The following ZNF446 variants were observed in gnomAD, a reference collection of about 807,000 sequenced individuals.
The protein encoded by ZNF446 is zinc finger protein with KRAB and SCAN domains 20.
Under a neutral mutation model 34.0 loss-of-function variants are expected in ZNF446, and 42 were observed. That is an observed-to-expected ratio of 1.23 (90% CI 0.96 to 1.60). ZNF446 has a LOEUF of 1.60. ZNF446 is among the 40% of genes most tolerant of loss of function. The pLI is 0.00. For synonymous variants in ZNF446, 315 were observed against 251.0 expected, an observed-to-expected ratio of 1.25 and a Z score of -2.41; for missense variants, 650 against 600.2, an observed-to-expected ratio of 1.08 and a Z score of -0.87.
In ZNF446 at chr19:58,479,708, CG is replaced by C. The variant is rs1313132018; in HGVS notation, c.695del (p.Gly232AlafsTer134). ...LYWDAMLEKY[G>X]TVVSLGLPPH... ...ACTGGGATGCGATGCTGGAGAAGTACGGCACAGTGGTCTCCCTGGGTGAGGA... is the reference window on the plus strand; with the variant it reads ...ACTGGGATGCGATGCTGGAGAAGTACGCACAGTGGTCTCCCTGGGTGAGGA... On this transcript the variant is annotated frameshift_variant, in exon 5 of 7. Coordinates refer to ENST00000594369, the MANE Select transcript of ZNF446 (RefSeq NM_017908.4). LOFTEE classifies it high-confidence loss of function. 3 of 1,613,166 alleles carry C rather than the reference CG, an allele frequency of 1.9e-6. No homozygotes were observed. The highest frequency in any genetic ancestry group is 2.7e-5 in the African/African-American group (2 of 74,862).
chr19:58,486,533 G>C, the ZNF446 span, among the ~76,000 whole-genome samples: 1 of 151,750 alleles, frequency 6.6e-6, no homozygotes, highest in African/African-American at 2.4e-5. Flanking sequence ...TCAGCCTCCC[G>C]AGTAGCTGGG....
At chr19:58,478,470 C>G (rs1273908722) in intron 4 of ZNF446, among the ~76,000 whole-genome samples, 1 of 152,036 alleles carries the variant, frequency 6.6e-6, no homozygotes, top group East Asian at 1.9e-4. Flanking sequence ...TCGAGACCAG[C>G]CTGACCAATG....
chr19:58,477,845 C>G lies in ZNF446; in HGVS notation c.532+19C>G. 1.3e-6 allele frequency: 2 copies of G among 1,519,356 alleles called. No individual in the cohort carries two copies. Among genetic ancestry groups the G allele is most frequent in the Middle Eastern group, 1.8e-4 (1 of 5,648 alleles). The allele number at this position is 1,519,356 out of a possible 1,614,324, so 94.1% of individuals were successfully genotyped here. On this transcript the variant is annotated intron_variant, in intron 3 of 6. Transcript: ENST00000594369. ...GAAGTGGGTGAGGTTGGGGTCCCAC[C>G]AGAGATGAGGGACTCCTGGAGGAAG... is the stretch of plus-strand genomic sequence containing the variant.
In ZNF446 at chr19:58,480,512, C is replaced by T; in HGVS notation, c.1139C>T (p.Ala380Val). ...GAGAAGCCACCACAAGGGGAGGTGG[C>T]CTTTCCGCACCACCCCCGACGCTCA... ...STEKPPQGEV[A>V]FPHHPRRSLT... Residue 380 changes from alanine (A) to valine (V), a missense_variant, in exon 7 of 7, where the codon GCC (alanine) becomes GTC (valine). By Grantham distance (64) the Ala-to-Val change is moderately conservative. Coordinates refer to ENST00000594369, the MANE Select transcript of ZNF446 (RefSeq NM_017908.4). The surrounding 1 kb of genome is among the most constrained non-coding windows in gnomAD (Gnocchi z 7.2). 6.2e-7 allele frequency: 1 copy of T among 1,612,670 alleles called. No individual in the cohort carries two copies. Among genetic ancestry groups the T allele is most frequent in the Non-Finnish European group, 8.5e-7 (1 of 1,179,700 alleles).
At chr19:58,482,355 G>A (rs1253879753), downstream of ZNF446, among the ~76,000 whole-genome samples, 1 of 152,120 alleles carries the variant, frequency 6.6e-6, no homozygotes, top group Non-Finnish European at 1.5e-5. Flanking sequence ...ACACCGCAGA[G>A]TCCCTTTTGC....
chr19:58,485,368 G>C (rs1228339416), downstream of ZNF446, among the ~76,000 whole-genome samples: 1 of 151,780 alleles, frequency 6.6e-6, no homozygotes, highest in African/African-American at 2.4e-5. Flanking sequence ...AAATTAGCCG[G>C]GTATAGTGGC....
chr19:58,481,567 A>AC (rs1328606294), downstream of ZNF446, among the ~76,000 whole-genome samples: 3 of 152,008 alleles, frequency 2.0e-5, no homozygotes, highest in African/African-American at 7.2e-5. Flanking sequence ...GTCAGGCCGC[A>AC]CCCTCCATAG....
chr19:58,487,018 T>TCTCGATTTC, the ZNF446 span, among the ~76,000 whole-genome samples: 1 of 151,784 alleles, frequency 6.6e-6, no homozygotes, highest in Admixed American at 6.6e-5. Context: ...GCCAGGATGG[T>TCTCGATTTC]CTGACCTTGT....
chr19:58,486,354 G>T, the ZNF446 span, among the ~76,000 whole-genome samples: 1 of 151,384 alleles, frequency 6.6e-6, no homozygotes, highest in South Asian at 2.1e-4. Context: ...CAAAGTGCTG[G>T]GATTGCAGGC....
rs749190454 is a variant in ZNF446, at chr19:58,480,610, C to T, written c.1237C>T (p.His413Tyr). Residue 413 changes from histidine to tyrosine, a missense_variant, in exon 7 of 7, where the codon CAC (histidine) becomes TAC (tyrosine). His to Tyr is a moderately conservative substitution (Grantham distance 83). Coordinates refer to ENST00000594369, the MANE Select transcript of ZNF446 (RefSeq NM_017908.4). This position sits in a 1 kb window ranked among gnomAD's most constrained non-coding sequence, Gnocchi z 7.2. ...SFSWKSQLVI[H>Y]RKSHTGQRRH... ...CAGCTGGAAGTCGCAGCTGGTCATC[C>T]ACCGCAAGAGCCACACAGGCCAGCG... is the stretch of plus-strand genomic sequence containing the variant. The T allele has an allele frequency of 6.2e-7, 1 of 1,612,702 alleles. No homozygotes were observed. Among genetic ancestry groups the T allele is most frequent in the African/African-American group, 1.3e-5 (1 of 74,908 alleles).
downstream of ZNF446, among the ~76,000 whole-genome samples, chr19:58,485,850 G>A (rs535737239): frequency 3.9e-5 from 6 of 152,118 alleles, no homozygotes; most frequent in South Asian, 2.1e-4. Flanking sequence ...AAATTGCTGG[G>A]ATTACAGGCT....
At chr19:58,486,845 C>T in the ZNF446 span, among the ~76,000 whole-genome samples, 10 of 151,858 alleles carry the variant, frequency 6.6e-5, no homozygotes, top group Admixed American at 2.0e-4. Context: ...CTCTGTCGCC[C>T]GGGCTAGAGT....
In ZNF446 at chr19:58,480,990, C is replaced by T; in HGVS notation, c.*264C>T. The T allele has an allele frequency of 2.0e-6, 1 of 501,226 alleles. No individual in the cohort carries two copies. Among genetic ancestry groups the T allele is most frequent in the Non-Finnish European group, 3.6e-6 (1 of 278,574 alleles). 31.0% of individuals were successfully genotyped at this position (501,226 alleles called of 1,614,324 possible). On this transcript the variant is annotated 3_prime_UTR_variant, in exon 7 of 7. Transcript: ENST00000594369. The surrounding 1 kb of genome is among the most constrained non-coding windows in gnomAD (Gnocchi z 7.2). ...CTGACCAGTGCCTGTGGGGTGACTG[C>T]CAAGCACCAGGCTCCCTCCCTCCCT...
At chr19:58,487,277 T>C in the ZNF446 span, among the ~76,000 whole-genome samples, 1 of 151,898 alleles carries the variant, frequency 6.6e-6, no homozygotes, top group Non-Finnish European at 1.5e-5. Flanking sequence ...TGAGACAGGG[T>C]CTCATTTGTT....
rs1226569892 is a variant in ZNF446 at position 58,477,391 on chromosome 19, A to G, written c.173A>G (p.Glu58Gly). Reference protein sequence around the residue: ...RELCCQWLQPEAHSKEQMLEM... With the variant: ...RELCCQWLQPGAHSKEQMLEM... ...CTGTGTTGCCAGTGGCTGCAGCCTG[A>G]GGCACACTCCAAGGAGCAGATGCTG... Residue 58 changes from glutamate (E) to glycine (G), a missense_variant, in exon 2 of 7, where the codon GAG (glutamate) becomes GGG (glycine). By Grantham distance (98) the Glu-to-Gly change is moderately conservative (BLOSUM62 -2). Coordinates refer to ENST00000594369, the MANE Select transcript of ZNF446 (RefSeq NM_017908.4). 6.2e-7 allele frequency: 1 copy of G among 1,613,214 alleles called. No individual in the cohort carries two copies. The highest frequency in any genetic ancestry group is 8.5e-7 in the Non-Finnish European group (1 of 1,179,982).
intron 4 of ZNF446, 158 bp from the exon 5 acceptor site, chr19:58,479,485 T>C: frequency 1.4e-6 from 1 of 717,026 alleles, no homozygotes; most frequent in Non-Finnish European, 2.3e-6. Context: ...GGAGAACCTC[T>C]GCACTTAACA....
chr19:58,486,716 T>G, the ZNF446 span, among the ~76,000 whole-genome samples: 1 of 107,706 alleles, frequency 9.3e-6, no homozygotes, highest in Admixed American at 8.1e-5. Context: ...GCTTTTTTTT[T>G]TGGGGGGGGG....
Position 58,480,606 on chromosome 19 carries a change from C to T in ZNF446, c.1233C>T (p.Val411=), listed in dbSNP as rs757477592. Residue 411 remains valine (V), a synonymous_variant, in exon 7 of 7, where the codon GTC becomes GTT. Coordinates refer to ENST00000594369, the MANE Select transcript of ZNF446 (RefSeq NM_017908.4). The surrounding 1 kb of genome is among the most constrained non-coding windows in gnomAD (Gnocchi z 7.2). ...GCTTCAGCTGGAAGTCGCAGCTGGT[C>T]ATCCACCGCAAGAGCCACACAGGCC... ...GCSFSWKSQL[V]IHRKSHTGQR... is the part of the protein sequence containing the mutation. 1.9e-6 allele frequency: 3 copies of T among 1,612,564 alleles called. No individual in the cohort carries two copies. Among genetic ancestry groups the T allele is most frequent in the Non-Finnish European group, 2.5e-6 (3 of 1,179,940 alleles).
At chr19:58,481,610 C>T (rs972020369), downstream of ZNF446, among the ~76,000 whole-genome samples, 3 of 152,210 alleles carry the variant, frequency 2.0e-5, no homozygotes, top group Admixed American at 6.5e-5. Context: ...GGCAAAAGGT[C>T]AGCTCCCTGG....
Sources: gnomAD v4.1 joint callset for allele counts (sites outside exome capture counted in the v4.1 genomes callset) on GRCh38, gnomAD v4.1.1 for gene constraint, Gnocchi (gnomAD v3.1) non-coding constraint, MANE v1.5 for transcripts, NCBI Gene and HGNC (gene_info 2026-07-23, HGNC 2026-07-21) for gene names.